MGA: variants seen among roughly 807,000 people sequenced by gnomAD.
The protein encoded by MGA is MAX dimerization protein MGA, also known as MAX gene-associated protein.
MGA carries 40 observed loss-of-function variants against 261.1 expected under a neutral mutation model. The ratio of observed to expected loss-of-function variants is 0.15; its 90% CI spans 0.12 to 0.20. MGA has a LOEUF of 0.20. Among genes scored for constraint, MGA ranks in the 10% least tolerant of loss-of-function variants. The pLI is 1.00. For synonymous variants in MGA, 1,302 were observed against 1,290.6 expected (o/e 1.01, Z -0.19); for missense variants, 3,397 against 3,630.5 (o/e 0.94, Z 1.65).
intron 1 of MGA, among the ~76,000 whole-genome samples, chr15:41,624,374 A>G (rs944211073): frequency 2.0e-5 from 3 of 152,070 alleles, no homozygotes; most frequent in African/African-American, 4.8e-5. Context: ...CAGCCTCTCA[A>G]GTAGCTGGGA....
chr15:41,768,028 G>A lies in MGA; in HGVS notation c.*748G>A, dbSNP rs568509241. ...ACAGTACCAGAGATTTTTACTGGGAGTATATATTTTGGAGGTAGGCATAGA... is the reference window on the plus strand; with the variant it reads ...ACAGTACCAGAGATTTTTACTGGGAATATATATTTTGGAGGTAGGCATAGA... On this transcript the variant is annotated 3_prime_UTR_variant, in exon 24 of 24. Transcript: ENST00000219905. 1.7e-3 allele frequency: 263 copies of A among 152,614 alleles called. No homozygotes were observed. Among genetic ancestry groups the A allele is most frequent in the Non-Finnish European group, 2.8e-3 (188 of 68,026 alleles). 9.5% of individuals were successfully genotyped at this position (152,614 alleles called of 1,614,324 possible). A position where few individuals can be genotyped will look rare whatever the true frequency, so the allele number is the denominator to read the frequency against.
At chr15:41,671,363 G>T (rs1478524283) in intron 2 of MGA, among the ~76,000 whole-genome samples, 1 of 151,844 alleles carries the variant, frequency 6.6e-6, no homozygotes. Context: ...TCACCCTGTC[G>T]CCCGGGCTGG....
At chr15:41,630,169 C>G (rs1316909798) in intron 1 of MGA, among the ~76,000 whole-genome samples, 3 of 152,056 alleles carry the variant, frequency 2.0e-5, no homozygotes, top group Non-Finnish European at 4.4e-5. Flanking sequence ...TTTTATAACC[C>G]CCTTTTGGCC....
chr15:41,761,451 G>A (rs2063451735), intron 20 of MGA, among the ~76,000 whole-genome samples: 2 of 152,144 alleles, frequency 1.3e-5, no homozygotes, highest in African/African-American at 4.8e-5. Context: ...TAAAATCTAA[G>A]CAGAGCACAG....
upstream of MGA, among the ~76,000 whole-genome samples, chr15:41,655,432 C>A (rs568473970): frequency 1.3e-5 from 2 of 152,228 alleles, no homozygotes; most frequent in African/African-American, 4.8e-5. Context: ...CTTGGCCTCC[C>A]AAAGTGTTGA....
At chr15:41,718,832 C>T (rs1186514249) in intron 9 of MGA, among the ~76,000 whole-genome samples, 2 of 152,134 alleles carry the variant, frequency 1.3e-5, no homozygotes, top group Non-Finnish European at 2.9e-5. Context: ...ACTTATTGTT[C>T]TCTCCCAAAG....
At chr15:41,653,294 G>A (rs769846646) in intron 1 of MGA, among the ~76,000 whole-genome samples, 64 of 151,356 alleles carry the variant, frequency 4.2e-4, no homozygotes, top group Admixed American at 2.0e-4. Flanking sequence ...GCTTGAACCC[G>A]GGAGGCCAAG....
At chr15:41,679,473 A>G (rs2058556949) in intron 2 of MGA, among the ~76,000 whole-genome samples, 1 of 152,130 alleles carries the variant, frequency 6.6e-6, no homozygotes, top group African/African-American at 2.4e-5. Context: ...ATTTTTTTCA[A>G]TAATGCTTTT....
At chr15:41,717,647 A>C (rs1229273936) in intron 9 of MGA, among the ~76,000 whole-genome samples, 1 of 152,178 alleles carries the variant, frequency 6.6e-6, no homozygotes, top group African/African-American at 2.4e-5. Context: ...TGCAATAATA[A>C]TTCTGGTCTG....
upstream of MGA, among the ~76,000 whole-genome samples, chr15:41,657,043 G>A (rs2057218663): frequency 6.6e-6 from 1 of 152,206 alleles, no homozygotes; most frequent in Admixed American, 6.5e-5. Flanking sequence ...GCCTCCCAAA[G>A]TGCTGGGATT....
At chr15:41,621,778 C>T (rs2056295289) in intron 1 of MGA, among the ~76,000 whole-genome samples, 1 of 152,070 alleles carries the variant, frequency 6.6e-6, no homozygotes, top group Non-Finnish European at 1.5e-5. Flanking sequence ...GGCGCACCCA[C>T]AGCTTTCCCC....
At chr15:41,740,279 G>A in intron 14 of MGA, 76 bp downstream of exon 14, 2 of 1,417,070 alleles carry the variant, frequency 1.4e-6, no homozygotes, top group East Asian at 2.3e-5. Flanking sequence ...TATGGAGGTT[G>A]TAAAAATTAG....
chr15:41,711,549 C>CAG (rs1051607616), intron 8 of MGA, among the ~76,000 whole-genome samples, 200 bp downstream of exon 8: 4 of 151,790 alleles, frequency 2.6e-5, no homozygotes, highest in African/African-American at 9.6e-5. Flanking sequence ...CTCCTGCCAT[C>CAG]AGAGAGAGAG....
At position 41,710,960 on chromosome 15, in the gene MGA, A is replaced by C; in HGVS notation, c.2695A>C (p.Lys899Gln). 3 of 1,613,976 alleles carry C rather than the reference A, an allele frequency of 1.9e-6. No homozygotes were observed. The highest frequency in any genetic ancestry group is 1.3e-5 in the African/African-American group (1 of 75,022). Reference sequence around the variant, plus strand: ...TGTACCCCCTGTCTCTCGAAAGGCAAAGTCTCAAAACAGACAGGCAACTTT... The same window carrying C: ...TGTACCCCCTGTCTCTCGAAAGGCACAGTCTCAAAACAGACAGGCAACTTT... The change falls in exon 8 of 24, where the codon AAG becomes CAG. Residue 899 changes from lysine (K) to glutamine (Q), a missense_variant. Around this residue, in one of 9 missense-constraint regions of MGA, gnomAD observed 519 missense variants for 554.1 expected, o/e 0.94. Transcript: ENST00000219905.
At position 41,734,312 on chromosome 15, in the gene MGA, C is replaced by G. The variant is rs10518728; in HGVS notation, c.3844-210C>G. On this transcript the variant is annotated intron_variant, in intron 11 of 23. Transcript: ENST00000219905. Reference sequence around the variant, plus strand: ...AATTTTTTTCTTGATGACTCAGTCACTATCAAGGACATTAGGTAGCAAAAC... The same window carrying G: ...AATTTTTTTCTTGATGACTCAGTCAGTATCAAGGACATTAGGTAGCAAAAC... Among the ~76,000 whole-genome samples the G allele has an allele frequency of 0.036, 5,500 of 152,154 alleles. 350 individuals carry two copies. Among genetic ancestry groups the G allele is most frequent in the African/African-American group, 0.13 (5,211 of 41,460 alleles).
chr15:41,671,972 C>T (rs1184100942), intron 2 of MGA, among the ~76,000 whole-genome samples: 1 of 152,154 alleles, frequency 6.6e-6, no homozygotes, highest in East Asian at 1.9e-4. Context: ...ATTCTTCAGC[C>T]ACAGCTTAAT....
At chr15:41,626,367 C>T (rs2056451955) in intron 1 of MGA, among the ~76,000 whole-genome samples, 1 of 147,944 alleles carries the variant, frequency 6.8e-6, no homozygotes, top group Non-Finnish European at 1.5e-5. Flanking sequence ...ATCTTCTTGT[C>T]TTAGCCTCCC....
chr15:41,747,409 A>G (rs909114157), intron 15 of MGA, among the ~76,000 whole-genome samples: 2 of 152,190 alleles, frequency 1.3e-5, no homozygotes, highest in Non-Finnish European at 2.9e-5. Context: ...TTTTAAAGTT[A>G]AATTGTGCAG....
In MGA at chr15:41,767,989, GA is replaced by G. The variant is rs547014242; in HGVS notation, c.*713del. ...CTCCCTTATTATTTTTGTGGGCATT[GA>G]AAAGCTCATTTCACAGTACCAGAGA... On this transcript the variant is annotated 3_prime_UTR_variant, in exon 24 of 24. Coordinates refer to ENST00000219905, the MANE Select transcript of MGA (RefSeq NM_001164273.2). 9 of 152,402 alleles carry G rather than the reference GA, an allele frequency of 5.9e-5. No individual in the cohort carries two copies. The highest frequency in any genetic ancestry group is 1.3e-4 in the Non-Finnish European group (9 of 68,022). 9.4% of individuals were successfully genotyped at this position (152,402 alleles called of 1,614,324 possible). A position where few individuals can be genotyped will look rare whatever the true frequency, so the allele number is the denominator to read the frequency against.
Sources: allele counts gnomAD v4.1 joint callset (sites outside exome capture counted in the v4.1 genomes callset), GRCh38; gene constraint gnomAD v4.1.1; regional missense constraint gnomAD v4.1.1; transcripts MANE v1.5; gene names NCBI Gene and HGNC (gene_info 2026-07-23, HGNC 2026-07-21).